The following JAZF1 variants were observed in gnomAD, a reference collection of about 807,000 sequenced individuals.
The protein encoded by JAZF1 is juxtaposed with another zinc finger protein 1.
In JAZF1, 8 loss-of-function variants were observed where a neutral mutation model predicts 26.4. The ratio of observed to expected loss-of-function variants is 0.30; its 90% CI spans 0.18 to 0.55. JAZF1 has a LOEUF of 0.55. Among genes scored for constraint, JAZF1 ranks in the 20% least tolerant of loss-of-function variants. The pLI, the probability that JAZF1 is intolerant of heterozygous loss-of-function variation, is 0.94. For synonymous variants in JAZF1, 126 were observed against 122.3 expected (o/e 1.03, Z -0.20); for missense variants, 199 against 322.0 (o/e 0.62, Z 2.92).
intron 4 of JAZF1, chr7:27,833,182 A>C: frequency 2.8e-6 from 1 of 353,332 alleles, no homozygotes; most frequent in Non-Finnish European, 5.1e-6. Flanking sequence ...CAGCTGACTC[A>C]AAATTTCAGA....
At chr7:28,122,937 C>T (rs1033083929) in intron 1 of JAZF1, among the ~76,000 whole-genome samples, 10 of 152,156 alleles carry the variant, frequency 6.6e-5, no homozygotes, top group Non-Finnish European at 2.9e-5. Context: ...CCTGAACACA[C>T]CAAGATGCTG....
At chr7:27,963,719 AC>A (rs1785225397) in intron 2 of JAZF1, among the ~76,000 whole-genome samples, 1 of 46,258 alleles carries the variant, frequency 2.2e-5, no homozygotes, top group African/African-American at 1.1e-4. Flanking sequence ...ACGTCACCAC[AC>A]CGGTTTTGTT....
chr7:28,143,635 G>C (rs1028176391), intron 1 of JAZF1, among the ~76,000 whole-genome samples: 4 of 152,142 alleles, frequency 2.6e-5, no homozygotes, highest in Non-Finnish European at 5.9e-5. Context: ...GTGTCCCTCT[G>C]ATCAAAGAGA....
At chr7:28,071,555 C>A in intron 1 of JAZF1, 1 of 467,496 alleles carries the variant, frequency 2.1e-6, no homozygotes, top group Admixed American at 2.4e-5. Flanking sequence ...GTTAGTATGT[C>A]CCATAAAAGT....
At chr7:28,049,050 C>T (rs1181688604) in intron 1 of JAZF1, among the ~76,000 whole-genome samples, 2 of 115,788 alleles carry the variant, frequency 1.7e-5, no homozygotes, top group East Asian at 7.2e-4. Flanking sequence ...CCCTCCCTCC[C>T]CTCCCCTCCC....
At chr7:27,901,545 A>G (rs1477585223) in intron 2 of JAZF1, among the ~76,000 whole-genome samples, 3 of 152,162 alleles carry the variant, frequency 2.0e-5, no homozygotes, top group Admixed American at 1.3e-4. Context: ...CCTGCTGGGG[A>G]AAAAAATCAC....
At chr7:28,062,648 A>C (rs1226329110) in intron 1 of JAZF1, among the ~76,000 whole-genome samples, 1 of 152,028 alleles carries the variant, frequency 6.6e-6, no homozygotes, top group Non-Finnish European at 1.5e-5. Context: ...CATCACAGGG[A>C]GCGACATCCA....
chr7:27,930,734 T>C (rs1784676366), intron 2 of JAZF1, among the ~76,000 whole-genome samples: 1 of 152,200 alleles, frequency 6.6e-6, no homozygotes. Context: ...AATGTTCATA[T>C]AATCTAAATT....
intron 2 of JAZF1, among the ~76,000 whole-genome samples, chr7:27,925,751 G>A (rs751423446): frequency 6.6e-6 from 1 of 152,198 alleles, no homozygotes; most frequent in Non-Finnish European, 1.5e-5. Context: ...TTTGGATGTT[G>A]TGTATTATGT....
intron 3 of JAZF1, among the ~76,000 whole-genome samples, chr7:27,848,403 G>A (rs1194026810): frequency 6.6e-6 from 1 of 152,108 alleles, no homozygotes; most frequent in East Asian, 1.9e-4. Flanking sequence ...AACGTATCCT[G>A]CAACCTTACT....
intron 1 of JAZF1, among the ~76,000 whole-genome samples, chr7:28,045,908 C>A (rs1783488795): frequency 6.6e-6 from 1 of 152,046 alleles, no homozygotes; most frequent in African/African-American, 2.4e-5. Flanking sequence ...ATTTTACTGG[C>A]CTTAAAAATT....
intron 3 of JAZF1, among the ~76,000 whole-genome samples, chr7:27,888,513 CTAA>C (rs1783910715): frequency 6.6e-6 from 1 of 152,156 alleles, no homozygotes; most frequent in Non-Finnish European, 1.5e-5. Context: ...GATAGAGCTT[CTAA>C]ATGCCAAGCA....
intron 2 of JAZF1, among the ~76,000 whole-genome samples, chr7:27,971,074 T>C (rs1025158694): frequency 2.0e-5 from 3 of 152,192 alleles, no homozygotes; most frequent in East Asian, 1.9e-4. Context: ...TTGAAAACAA[T>C]GAGAGAAGGG....
At chr7:28,103,334 A>G (rs1240420258) in intron 1 of JAZF1, among the ~76,000 whole-genome samples, 1 of 152,032 alleles carries the variant, frequency 6.6e-6, no homozygotes, top group African/African-American at 2.4e-5. Flanking sequence ...CTGGCTACTT[A>G]GGTGGCTGAG....
At chr7:27,868,451 G>A (rs112826276) in intron 3 of JAZF1, among the ~76,000 whole-genome samples, 18 of 152,288 alleles carry the variant, frequency 1.2e-4, no homozygotes, top group African/African-American at 9.6e-5. Flanking sequence ...TGCATGGGCC[G>A]CCTCACGGGG....
chr7:28,155,202 G>T (rs1043877854), intron 1 of JAZF1, among the ~76,000 whole-genome samples: 3 of 152,200 alleles, frequency 2.0e-5, no homozygotes, highest in Admixed American at 6.5e-5. Context: ...TTCACTTCTT[G>T]TTTCAACCAT....
chr7:27,847,142 GCTTT>G (rs1413837787), intron 3 of JAZF1, among the ~76,000 whole-genome samples: 8 of 148,276 alleles, frequency 5.4e-5, no homozygotes, highest in African/African-American at 2.0e-4. Context: ...ACCCCGCCTG[GCTTT>G]TTTTCTTTTT....
chr7:27,949,007 T>C (rs563219951), intron 2 of JAZF1, among the ~76,000 whole-genome samples: 5 of 152,186 alleles, frequency 3.3e-5, no homozygotes, highest in African/African-American at 4.8e-5. Context: ...CAAGGCTGCA[T>C]AAGAGGCCAA....
intron 2 of JAZF1, among the ~76,000 whole-genome samples, chr7:27,913,133 CA>C (rs1485048176): frequency 4.6e-5 from 7 of 151,732 alleles, no homozygotes; most frequent in Non-Finnish European, 1.0e-4. Flanking sequence ...TGAGGGCCTC[CA>C]GAATCTGCCT....
Sources: allele counts gnomAD v4.1 joint callset (sites outside exome capture counted in the v4.1 genomes callset), GRCh38; gene constraint gnomAD v4.1.1; transcripts MANE v1.5; gene names NCBI Gene and HGNC (gene_info 2026-07-23, HGNC 2026-07-21).